Variants in PDE5A observed in about 807,000 individuals in gnomAD.
PDE5A encodes the protein phosphodiesterase 5A.
Under a neutral mutation model 110.2 loss-of-function variants are expected in PDE5A, and 67 were observed. The observed-to-expected ratio is 0.61, with a 90% CI of 0.50 to 0.75. The LOEUF is 0.75. Among genes scored for constraint, PDE5A ranks in the 30% least tolerant of loss-of-function variants. The pLI, the probability that PDE5A is intolerant of heterozygous loss-of-function variation, is 0.00. For synonymous variants in PDE5A, 328 were observed against 351.2 expected, an observed-to-expected ratio of 0.93 and a Z score of 0.74; for missense variants, 862 against 1,045.1, an observed-to-expected ratio of 0.82 and a Z score of 2.42.
chr4:119,502,870 T>G (rs746251805), intron 18 of PDE5A, among the ~76,000 whole-genome samples: 1 of 152,156 alleles, frequency 6.6e-6, no homozygotes, highest in Non-Finnish European at 1.5e-5. Context: ...TCTCTGTCTT[T>G]GGTAGCTTCC....
At chr4:119,600,923 T>C (rs1314224869) in intron 2 of PDE5A, among the ~76,000 whole-genome samples, 1 of 152,190 alleles carries the variant, frequency 6.6e-6, no homozygotes, top group East Asian at 1.9e-4. Flanking sequence ...ACCTGGTAGA[T>C]ATCACTTTAA....
At chr4:119,610,800 A>T (rs1729714125) in intron 1 of PDE5A, among the ~76,000 whole-genome samples, 1 of 152,034 alleles carries the variant, frequency 6.6e-6, no homozygotes, top group Non-Finnish European at 1.5e-5. Context: ...TTCTATCTCC[A>T]TTACTACCAC....
intron 14 of PDE5A, among the ~76,000 whole-genome samples, chr4:119,513,582 C>A (rs1044937938): frequency 1.4e-4 from 21 of 152,140 alleles, no homozygotes; most frequent in Admixed American, 6.6e-5. Flanking sequence ...AAGTTGCCAT[C>A]TTTTTGCTTT....
At chr4:119,533,191 A>G (rs1331835350) in intron 11 of PDE5A, among the ~76,000 whole-genome samples, 1 of 152,168 alleles carries the variant, frequency 6.6e-6, no homozygotes, top group Non-Finnish European at 1.5e-5. Flanking sequence ...TAAAGAAATT[A>G]TTTTTATTAT....
At chr4:119,607,359 G>A in intron 1 of PDE5A, 62 bp from the exon 2 acceptor site, 1 of 939,274 alleles carries the variant, frequency 1.1e-6, no homozygotes, top group African/African-American at 1.8e-5. Flanking sequence ...ATGCCTGAGA[G>A]CTCCTAAACA....
intron 14 of PDE5A, among the ~76,000 whole-genome samples, chr4:119,514,074 C>CA (rs1182476413): frequency 1.3e-5 from 2 of 152,244 alleles, no homozygotes; most frequent in African/African-American, 4.8e-5. Flanking sequence ...CAGAAGGACC[C>CA]ATTTAAACCA....
chr4:119,624,181 G>A (rs147207016), intron 1 of PDE5A, among the ~76,000 whole-genome samples: 1 of 152,006 alleles, frequency 6.6e-6, no homozygotes, highest in Non-Finnish European at 1.5e-5. Flanking sequence ...AGTTAGACTG[G>A]GTCAATGCTC....
At chr4:119,541,244 G>A (rs1345528572) in intron 10 of PDE5A, among the ~76,000 whole-genome samples, 1 of 151,494 alleles carries the variant, frequency 6.6e-6, no homozygotes, top group East Asian at 1.9e-4. Context: ...ATTGATAGCT[G>A]ACTTAGATTA....
chr4:119,504,691 C>T (rs560012096), intron 17 of PDE5A, 92 bp from the exon 18 acceptor site: 1 of 950,662 alleles, frequency 1.1e-6, no homozygotes, highest in South Asian at 1.7e-5. Flanking sequence ...AAAGTTAAAA[C>T]CCTCTAAACA....
chr4:119,623,038 A>C (rs1386335562), intron 1 of PDE5A, among the ~76,000 whole-genome samples: 3 of 93,852 alleles, frequency 3.2e-5, no homozygotes, highest in Non-Finnish European at 7.0e-5. Flanking sequence ...CTTACATTGC[A>C]AAAAAAAAAA....
chr4:119,586,447 C>CCT (rs1487418171), intron 3 of PDE5A, among the ~76,000 whole-genome samples: 2 of 152,138 alleles, frequency 1.3e-5, no homozygotes, highest in Non-Finnish European at 2.9e-5. Flanking sequence ...GTATTTAACA[C>CCT]TTGATAAAGC....
At chr4:119,526,282 G>A (rs1311594925) in intron 11 of PDE5A, among the ~76,000 whole-genome samples, 2 of 152,128 alleles carry the variant, frequency 1.3e-5, no homozygotes, top group South Asian at 2.1e-4. Flanking sequence ...AGACTATCCT[G>A]TGCCCAGACT....
chr4:119,581,615 T>C (rs1247461887), intron 3 of PDE5A, among the ~76,000 whole-genome samples: 1 of 152,200 alleles, frequency 6.6e-6, no homozygotes, highest in African/African-American at 2.4e-5. Flanking sequence ...GACATCTGTC[T>C]CACTAGCGAA....
rs531159083 is a variant in PDE5A at position 119,569,146 on chromosome 4, A to C, written c.832-2002T>G. On this transcript the variant is annotated intron_variant, in intron 3 of 20. Coordinates refer to ENST00000354960, the MANE Select transcript of PDE5A (RefSeq NM_001083.4). ...TCTTCGAGGCTGAGGCTATTCTCCA[A>C]CCTCAGCTTCCAAGCAGCTGGGACT... 7.9e-5 allele frequency among the ~76,000 whole-genome samples: 12 copies of C among 151,748 alleles called. No homozygotes were observed. The East Asian group carries it at 2.3e-3, about 30-fold the overall frequency.
chr4:119,507,386 G>A (rs1321081046), intron 16 of PDE5A, among the ~76,000 whole-genome samples: 1 of 151,868 alleles, frequency 6.6e-6, no homozygotes, highest in Non-Finnish European at 1.5e-5. Flanking sequence ...AGACACAGTG[G>A]TAGATAAACA....
At chr4:119,610,833 C>T (rs1315705220) in intron 1 of PDE5A, among the ~76,000 whole-genome samples, 4 of 152,198 alleles carry the variant, frequency 2.6e-5, no homozygotes, top group African/African-American at 4.8e-5. Flanking sequence ...CCCACTATCT[C>T]TCAGTTGGAT....
intron 15 of PDE5A, among the ~76,000 whole-genome samples, chr4:119,507,914 G>A (rs1439446731): frequency 1.3e-5 from 2 of 151,746 alleles, no homozygotes; most frequent in Non-Finnish European, 2.9e-5. Flanking sequence ...TGCTTCATCT[G>A]CCTACATATG....
At chr4:119,556,354 C>T (rs1346088194) in intron 7 of PDE5A, among the ~76,000 whole-genome samples, 3 of 152,110 alleles carry the variant, frequency 2.0e-5, no homozygotes, top group Non-Finnish European at 4.4e-5. Flanking sequence ...CCCCATCCTA[C>T]TGTTTAAAAT....
intron 9 of PDE5A, chr4:119,550,318 T>C (rs1727296933): frequency 1.3e-5 from 2 of 152,232 alleles, no homozygotes; most frequent in African/African-American, 4.8e-5. Flanking sequence ...TGATACAAAA[T>C]GTATGCCAAG....
Sources: allele counts gnomAD v4.1 joint callset (sites outside exome capture counted in the v4.1 genomes callset), GRCh38; gene constraint gnomAD v4.1.1; transcripts MANE v1.5; gene names NCBI Gene and HGNC (gene_info 2026-07-23, HGNC 2026-07-21).